FLI1: variants seen among roughly 807,000 people sequenced by gnomAD.
FLI1 encodes the protein Fli-1 proto-oncogene, ETS transcription factor, also known as Friend leukemia integration 1 transcription factor.
FLI1 carries 13 observed loss-of-function variants against 53.1 expected under a neutral mutation model. The observed-to-expected ratio is 0.24, with a 90% CI of 0.16 to 0.39. FLI1 has a LOEUF of 0.39. Among genes scored for constraint, FLI1 ranks in the 10% least tolerant of loss-of-function variants. FLI1 has a pLI of 1.00. For synonymous variants in FLI1, 244 were observed against 236.7 expected (o/e 1.03, Z -0.28); for missense variants, 424 against 600.5 (o/e 0.71, Z 3.07).
intron 1 of FLI1, among the ~76,000 whole-genome samples, chr11:128,743,025 C>T (rs1408500107): frequency 6.6e-6 from 1 of 152,106 alleles, no homozygotes; most frequent in Non-Finnish European, 1.5e-5. Flanking sequence ...TTCTCATGAA[C>T]ATCACCAACC....
chr11:128,686,080 C>T (rs1865797444), upstream of FLI1: 1 of 319,978 alleles, frequency 3.1e-6, no homozygotes, highest in Admixed American at 4.0e-5. Flanking sequence ...TCCTCCGTCC[C>T]CGGGCCACCA....
chr11:128,809,941 G>T (rs752402092), intron 8 of FLI1, among the ~76,000 whole-genome samples: 1 of 152,186 alleles, frequency 6.6e-6, no homozygotes, highest in Non-Finnish European at 1.5e-5. Context: ...CTCTGGGCCT[G>T]CCAAGGGCCA....
At chr11:128,758,706 G>A (rs182633546) in intron 2 of FLI1, among the ~76,000 whole-genome samples, 44 of 152,304 alleles carry the variant, frequency 2.9e-4, no homozygotes, top group Middle Eastern at 3.4e-3. Flanking sequence ...AACCCCTCTG[G>A]GCAGGTCTCA....
chr11:128,713,451 G>T (rs1381541502), intron 1 of FLI1, among the ~76,000 whole-genome samples: 1 of 152,170 alleles, frequency 6.6e-6, no homozygotes, highest in Non-Finnish European at 1.5e-5. Flanking sequence ...AAGTGAGTGA[G>T]TTACTTGCTC....
rs1014702135 is a variant in FLI1, at chr11:128,768,529, A to T, written c.385+257A>T. On this transcript the variant is annotated intron_variant, in intron 3 of 8. Coordinates refer to ENST00000527786, the MANE Select transcript of FLI1 (RefSeq NM_002017.5). ...CCTCATCTCTACTAAAAAAAAAAAA[A>T]AATACAAAAATTAGCCAGGTGTGGT... 7 of 440,178 alleles carry T rather than the reference A, an allele frequency of 1.6e-5. No homozygotes were observed. The Admixed American group carries it at 1.7e-4, about 11-fold the overall frequency. The allele number at this position is 440,178 out of a possible 1,614,324, so 27.3% of individuals were successfully genotyped here. A position where few individuals can be genotyped will look rare whatever the true frequency, so the allele number is the denominator to read the frequency against.
chr11:128,809,132 C>G, intron 7 of FLI1, 25 bp from the exon 8 acceptor site: 1 of 1,608,618 alleles, frequency 6.2e-7, no homozygotes, highest in Non-Finnish European at 8.5e-7. Flanking sequence ...AACACTGAAG[C>G]AAATTTCCTT....
intron 1 of FLI1, among the ~76,000 whole-genome samples, chr11:128,737,935 T>A (rs1053914306): frequency 1.3e-5 from 2 of 152,182 alleles, no homozygotes; most frequent in Non-Finnish European, 2.9e-5. Flanking sequence ...TGGACTTAAA[T>A]GGTCATCAGC....
In FLI1 at chr11:128,781,977, T is replaced by C. The variant is rs1220825523; in HGVS notation, c.609T>C (p.Asn203=). Residue 203 remains asparagine (N), a synonymous_variant, in exon 5 of 9, where the codon AAT becomes AAC. Transcript: ENST00000527786. The part of the protein sequence containing the change: ...YLRESSLLAY[N]TTSHTDQSSR... ...TCTCAGGTTCACTGCTGGCCTATAA[T>C]ACAACCTCCCACACCGACCAATCCT... is the stretch of plus-strand genomic sequence containing the variant. 6.2e-7 allele frequency: 1 copy of C among 1,613,948 alleles called. No individual in the cohort carries two copies. The highest frequency in any genetic ancestry group is 2.2e-5 in the East Asian group (1 of 44,886).
chr11:128,765,214 T>C (rs1278019442), intron 2 of FLI1, among the ~76,000 whole-genome samples: 1 of 152,178 alleles, frequency 6.6e-6, no homozygotes, highest in African/African-American at 2.4e-5. Context: ...ATGGCTCCTC[T>C]CCTTACAAGG....
intron 1 of FLI1, among the ~76,000 whole-genome samples, chr11:128,747,068 C>T (rs1234184009): frequency 2.0e-5 from 3 of 152,218 alleles, no homozygotes; most frequent in Admixed American, 6.5e-5. Context: ...CATCCTCAGG[C>T]GGCACCATCA....
chr11:128,707,001 A>G (rs1338744480), intron 1 of FLI1, among the ~76,000 whole-genome samples: 1 of 152,238 alleles, frequency 6.6e-6, no homozygotes, highest in African/African-American at 2.4e-5. Flanking sequence ...TTTAAAGAAT[A>G]TTCACAAAGA....
At chr11:128,799,020 A>ATATTAT (rs751738832) in intron 5 of FLI1, among the ~76,000 whole-genome samples, 68 of 139,386 alleles carry the variant, frequency 4.9e-4, no homozygotes, top group East Asian at 2.6e-3. Context: ...TTATTTTATT[A>ATATTAT]TATTATTATT....
chr11:128,719,294 A>C (rs1182165706), intron 1 of FLI1, among the ~76,000 whole-genome samples: 1 of 145,846 alleles, frequency 6.9e-6, no homozygotes, highest in African/African-American at 2.5e-5. Context: ...AAAAAAAAAC[A>C]GTTCGTAATG....
chr11:128,779,956 G>A (rs494992), intron 4 of FLI1, among the ~76,000 whole-genome samples: 35,115 of 152,156 alleles, frequency 0.23, 4,453 homozygotes, highest in Middle Eastern at 0.41. Context: ...GTAGACAACC[G>A]TAGCACAATG....
intron 1 of FLI1, among the ~76,000 whole-genome samples, chr11:128,714,043 A>C (rs570208801): frequency 9.2e-5 from 14 of 152,322 alleles, no homozygotes; most frequent in Non-Finnish European, 1.8e-4. Context: ...CTAATGTTTT[A>C]CTGAGTGCAT....
chr11:128,701,517 G>A (rs900258421), intron 1 of FLI1, among the ~76,000 whole-genome samples: 5 of 152,072 alleles, frequency 3.3e-5, no homozygotes, highest in African/African-American at 9.7e-5. Flanking sequence ...GTGTTCAGAC[G>A]CATTTTCAGA....
intron 3 of FLI1, 89 bp downstream of exon 3, chr11:128,768,361 A>G (rs755388796): frequency 1.3e-6 from 2 of 1,519,002 alleles, no homozygotes; most frequent in Non-Finnish European, 1.8e-6. Context: ...CTGATACTCT[A>G]TTCCCTGTGG....
Position 128,768,160 on chromosome 11 carries a change from G to T in FLI1, c.273G>T (p.Leu91=), listed in dbSNP as rs748308796. The T allele has an allele frequency of 2.5e-6, 4 of 1,613,728 alleles. No homozygotes were observed. In the South Asian group the frequency reaches 3.3e-5, roughly 13 times the overall value. ...VDCSVSKCSK[L]VGGGESNPMN... ...GCAGCGTTAGCAAATGCAGCAAGCTGGTGGGCGGAGGCGAGTCCAACCCCA... is the reference window on the plus strand; with the variant it reads ...GCAGCGTTAGCAAATGCAGCAAGCTTGTGGGCGGAGGCGAGTCCAACCCCA... Residue 91 remains leucine, a synonymous_variant, in exon 3 of 9, where the codon CTG becomes CTT. Coordinates refer to ENST00000527786, the MANE Select transcript of FLI1 (RefSeq NM_002017.5).
chr11:128,722,923 G>A (rs1456992526), intron 1 of FLI1, among the ~76,000 whole-genome samples: 1 of 152,174 alleles, frequency 6.6e-6, no homozygotes, highest in Non-Finnish European at 1.5e-5. Context: ...CCATAACTGG[G>A]TGGCTCATCA....
Sources: gnomAD v4.1 joint callset for allele counts (sites outside exome capture counted in the v4.1 genomes callset) on GRCh38, gnomAD v4.1.1 for gene constraint, MANE v1.5 for transcripts, NCBI Gene and HGNC (gene_info 2026-07-23, HGNC 2026-07-21) for gene names.